The following CSMD2 variants were observed in gnomAD, a reference collection of about 807,000 sequenced individuals.
CSMD2 encodes the protein CUB and sushi domain-containing protein 2.
Under a neutral mutation model 398.5 loss-of-function variants are expected in CSMD2, and 130 were observed. The ratio of observed to expected loss-of-function variants is 0.33; its 90% CI spans 0.28 to 0.38. The LOEUF is 0.38. CSMD2 is among the 10% of genes least tolerant of loss of function. The pLI is 1.00. For missense variants in CSMD2, 3,829 were observed against 4,764.9 expected, an observed-to-expected ratio of 0.80 and a Z score of 5.78; for synonymous variants, 1,828 against 1,908.5, an observed-to-expected ratio of 0.96 and a Z score of 1.10.
chr1:33,934,549 T>C (rs1644409082), intron 4 of CSMD2, among the ~76,000 whole-genome samples: 2 of 152,214 alleles, frequency 1.3e-5, no homozygotes, highest in African/African-American at 2.4e-5. Context: ...ATTGTCTGCA[T>C]GCATCATAAT....
intron 5 of CSMD2, among the ~76,000 whole-genome samples, chr1:33,897,567 G>A (rs1461567474): frequency 6.6e-6 from 1 of 152,184 alleles, no homozygotes; most frequent in Non-Finnish European, 1.5e-5. Context: ...CATGACTGAG[G>A]TCAAGAGGTC....
In CSMD2 at chr1:33,739,140, C is replaced by T; in HGVS notation, c.2368G>A (p.Ala790Thr). Residue 790 changes from alanine to threonine, a missense_variant and splice_region_variant, in exon 15 of 71, where the codon GCT becomes ACT. Ala to Thr is a moderately conservative substitution (Grantham distance 58). This residue lies in a region of CSMD2 where 2,001 missense variants were observed against 2,567.1 expected (regional missense o/e 0.78). Coordinates refer to ENST00000373381, the MANE Select transcript of CSMD2 (RefSeq NM_001281956.2). Reference protein sequence around the residue: ...VWNSAVLRCEAPCGGHLTSPS... With the variant: ...VWNSAVLRCETPCGGHLTSPS... ...CTGCTCCCAGCCTGCAGGCTCGTAC[C>T]TTCACACCGCAGCACAGCGCTGTTC... 6.2e-7 allele frequency: 1 copy of T among 1,611,410 alleles called. No individual in the cohort carries two copies. The highest frequency in any genetic ancestry group is 8.5e-7 in the Non-Finnish European group (1 of 1,179,032).
At chr1:33,832,243 A>T (rs1162253504) in intron 6 of CSMD2, among the ~76,000 whole-genome samples, 2 of 152,034 alleles carry the variant, frequency 1.3e-5, no homozygotes, top group Non-Finnish European at 2.9e-5. Flanking sequence ...CTATTCCAAA[A>T]TTGACCACAT....
chr1:33,733,051 G>A (rs958175445), intron 15 of CSMD2, among the ~76,000 whole-genome samples: 2 of 152,204 alleles, frequency 1.3e-5, no homozygotes, highest in African/African-American at 2.4e-5. Flanking sequence ...TCCAGAGCCT[G>A]CATTTTTAAC....
intron 13 of CSMD2, among the ~76,000 whole-genome samples, chr1:33,758,287 T>TA (rs1312769478): frequency 6.6e-6 from 1 of 152,340 alleles, no homozygotes; most frequent in East Asian, 1.9e-4. Flanking sequence ...GCTGCAGTGA[T>TA]AGAGTCTGTA....
intron 5 of CSMD2, among the ~76,000 whole-genome samples, chr1:33,877,151 T>C (rs1640896119): frequency 6.6e-6 from 1 of 152,244 alleles, no homozygotes; most frequent in African/African-American, 2.4e-5. Context: ...GGGCCACACC[T>C]GGCTGGTCTT....
At position 34,159,317 on chromosome 1, in the gene CSMD2, C is replaced by T. The variant is rs949029611; in HGVS notation, c.187+5594G>A. 1.6e-4 allele frequency among the ~76,000 whole-genome samples: 21 copies of T among 133,534 alleles called. No individual in the cohort carries two copies. The Middle Eastern group carries it at 0.012, about 77-fold the overall frequency. The allele number at this position is 133,534 out of a possible 152,430, so 87.6% of individuals were successfully genotyped here. A position where few individuals can be genotyped will look rare whatever the true frequency, so the allele number is the denominator to read the frequency against. On this transcript the variant is annotated intron_variant, in intron 1 of 70. Transcript: ENST00000373381. ...GTTTGGGGCTAGAAACCAAGAATGA[C>T]TTTACAGCCTGCCCCCCCCCCACCC...
At chr1:33,837,005 C>G (rs749886284) in intron 6 of CSMD2, among the ~76,000 whole-genome samples, 3 of 152,200 alleles carry the variant, frequency 2.0e-5, no homozygotes, top group Non-Finnish European at 4.4e-5. Flanking sequence ...ATCTTGGCTC[C>G]ACCTCCAGAA....
intron 5 of CSMD2, among the ~76,000 whole-genome samples, chr1:33,857,801 T>C (rs1639208053): frequency 6.6e-6 from 1 of 151,996 alleles, no homozygotes. Context: ...TCAAAAGAAG[T>C]GAGGAGTGCT....
intron 20 of CSMD2, 150 bp downstream of exon 20, chr1:33,716,136 A>G (rs1410088004): frequency 9.2e-6 from 6 of 649,666 alleles, no homozygotes; most frequent in Middle Eastern, 4.1e-4. Context: ...GTCTAACCCA[A>G]GCATCTTTTG....
At chr1:34,160,477 G>C (rs185399110) in intron 1 of CSMD2, among the ~76,000 whole-genome samples, 2 of 152,270 alleles carry the variant, frequency 1.3e-5, no homozygotes, top group East Asian at 3.9e-4. Context: ...GTGGGGAAAG[G>C]AACAGGGGAC....
In CSMD2 at chr1:33,533,938, C is replaced by A; in HGVS notation, c.9880-31G>T. On this transcript the variant is annotated intron_variant, in intron 62 of 70. Transcript: ENST00000373381. This position sits in a 1 kb window ranked among gnomAD's most constrained non-coding sequence, Gnocchi z 4.2. Reference sequence around the variant, plus strand: ...GCAAGATACAAAGTCCCATCAGCCCCTTCCTTTCAGCGGTGCTTCCTACGT... The same window carrying A: ...GCAAGATACAAAGTCCCATCAGCCCATTCCTTTCAGCGGTGCTTCCTACGT... The A allele has an allele frequency of 1.4e-6, 2 of 1,451,092 alleles. No individual in the cohort carries two copies. Among genetic ancestry groups the A allele is most frequent in the Non-Finnish European group, 1.9e-6 (2 of 1,033,010 alleles). The allele number at this position is 1,451,092 out of a possible 1,614,324, so 89.9% of individuals were successfully genotyped here. A position where few individuals can be genotyped will look rare whatever the true frequency, so the allele number is the denominator to read the frequency against.
At chr1:33,765,074 G>C (rs1266847889) in intron 13 of CSMD2, among the ~76,000 whole-genome samples, 1 of 152,204 alleles carries the variant, frequency 6.6e-6, no homozygotes, top group Non-Finnish European at 1.5e-5. Context: ...AAAGACGGAA[G>C]TAGGCGAACA....
intron 22 of CSMD2, among the ~76,000 whole-genome samples, chr1:33,701,822 C>T (rs1378723822): frequency 6.6e-6 from 1 of 152,072 alleles, no homozygotes; most frequent in Admixed American, 6.6e-5. Flanking sequence ...TTTTAATCAC[C>T]GAAACATATG....
chr1:33,777,454 C>A (rs1376328337), intron 12 of CSMD2, among the ~76,000 whole-genome samples: 2 of 152,188 alleles, frequency 1.3e-5, no homozygotes, highest in Non-Finnish European at 2.9e-5. Context: ...AACACAGAGA[C>A]CACGGCCGCT....
chr1:33,679,598 G>A (rs1467742701), intron 25 of CSMD2, among the ~76,000 whole-genome samples: 1 of 152,178 alleles, frequency 6.6e-6, no homozygotes, highest in African/African-American at 2.4e-5. Flanking sequence ...AAGCAGCGTT[G>A]CTAAGAGTAT....
At chr1:34,088,849 G>A (rs1020032000) in intron 2 of CSMD2, 128 bp downstream of exon 2, 2 of 761,030 alleles carry the variant, frequency 2.6e-6, no homozygotes, top group Non-Finnish European at 4.5e-6. Flanking sequence ...AGGGGTTGAG[G>A]GAGGACATCA....
chr1:33,724,237 G>A lies in CSMD2; in HGVS notation c.2961C>T (p.Asn987=). The change falls in exon 19 of 71, where the codon AAC becomes AAT. Residue 987 remains asparagine (N), a synonymous_variant. Coordinates refer to ENST00000373381, the MANE Select transcript of CSMD2 (RefSeq NM_001281956.2). ...TTTCGATAATCCAGGTGCAGTTCAA[G>A]TTGTTGGGGTAGAAGTCAGGGAACC... ...SPGFPDFYPN[N]LNCTWIIETS... The A allele has an allele frequency of 6.2e-7, 1 of 1,613,986 alleles. No individual in the cohort carries two copies. Among genetic ancestry groups the A allele is most frequent in the Non-Finnish European group, 8.5e-7 (1 of 1,179,898 alleles).
intron 2 of CSMD2, among the ~76,000 whole-genome samples, chr1:34,080,909 GACT>G (rs1158231271): frequency 8.4e-6 from 1 of 119,744 alleles, no homozygotes; most frequent in Non-Finnish European, 1.9e-5. Flanking sequence ...CTTCTGGCAA[GACT>G]AACTGAGTGG....
Sources: gnomAD v4.1 joint callset for allele counts (sites outside exome capture counted in the v4.1 genomes callset) on GRCh38, gnomAD v4.1.1 for gene constraint, gnomAD v4.1.1 regional missense constraint, Gnocchi (gnomAD v3.1) non-coding constraint, MANE v1.5 for transcripts, NCBI Gene and HGNC (gene_info 2026-07-23, HGNC 2026-07-21) for gene names.